Variants in ALG14 observed in about 807,000 individuals in gnomAD.
ALG14 encodes the protein ALG14 UDP-N-acetylglucosaminyltransferase subunit.
In ALG14, 17 loss-of-function variants were observed where a neutral mutation model predicts 22.8. The ratio of observed to expected loss-of-function variants is 0.75; its 90% CI spans 0.51 to 1.12. The LOEUF (loss-of-function observed/expected upper bound fraction) is 1.12. ALG14 is among the 50% of genes most tolerant of loss of function. ALG14 has a pLI of 0.00. For missense variants in ALG14, 288 were observed against 271.8 expected (o/e 1.06, Z -0.42); for synonymous variants, 89 against 103.7 (o/e 0.86, Z 0.86).
At chr1:95,001,319 CA>C (rs1673060436) in intron 3 of ALG14, among the ~76,000 whole-genome samples, 1 of 152,108 alleles carries the variant, frequency 6.6e-6, no homozygotes, top group Non-Finnish European at 1.5e-5. Context: ...CGGTTGTCAA[CA>C]TGTGACCATG....
chr1:94,976,538 CAA>C lies in ALG14; in HGVS notation c.*6536_*6537del, dbSNP rs1487644563. ...TGAAACCCCATCTCTGCTAAAAATA[CAA>C]AAGTTAGCCGGGCTGGTGGTGCACT... On this transcript the variant is annotated 3_prime_UTR_variant, in exon 4 of 4. Coordinates refer to ENST00000370205, the MANE Select transcript of ALG14 (RefSeq NM_144988.4). The C allele has an allele frequency of 6.6e-6, 1 of 151,862 alleles. No individual in the cohort carries two copies. Among genetic ancestry groups the C allele is most frequent in the East Asian group, 1.9e-4 (1 of 5,142 alleles). 9.4% of individuals were successfully genotyped at this position (151,862 alleles called of 1,614,324 possible). A position where few individuals can be genotyped will look rare whatever the true frequency, so the allele number is the denominator to read the frequency against.
At chr1:94,991,273 C>T (rs529595489) in intron 3 of ALG14, among the ~76,000 whole-genome samples, 1 of 152,284 alleles carries the variant, frequency 6.6e-6, no homozygotes, top group East Asian at 1.9e-4. Flanking sequence ...TGTTGCTTAA[C>T]AATGGGGATA....
At chr1:94,998,841 C>T (rs889197608) in intron 3 of ALG14, among the ~76,000 whole-genome samples, 3 of 152,130 alleles carry the variant, frequency 2.0e-5, no homozygotes, top group African/African-American at 2.4e-5. Flanking sequence ...TTTTACCTGG[C>T]AGTTGGGCTT....
Position 94,983,204 on chromosome 1 carries a change from T to G in ALG14, c.523A>C (p.Ile175Leu), listed in dbSNP as rs1672543323. ...KKVIIVYVESICRVETLSMSG... is the reference protein window; with the variant it reads ...KKVIIVYVESLCRVETLSMSG... ...ATGGATAACGTTTCTACACGGCAGA[T>G]GCTTTCAACGTAGACAATGATCACT... is the stretch of plus-strand genomic sequence containing the variant. The change falls in exon 4 of 4, where the codon ATC (isoleucine) becomes CTC (leucine). Residue 175 changes from isoleucine (I) to leucine (L), a missense_variant. Ile to Leu is a conservative substitution (Grantham distance 5). Coordinates refer to ENST00000370205, the MANE Select transcript of ALG14 (RefSeq NM_144988.4). 6.2e-7 allele frequency: 1 copy of G among 1,614,056 alleles called. No individual in the cohort carries two copies. Among genetic ancestry groups the G allele is most frequent in the Non-Finnish European group, 8.5e-7 (1 of 1,180,038 alleles).
chr1:95,053,704 G>A (rs997649874), intron 2 of ALG14, among the ~76,000 whole-genome samples: 3 of 152,102 alleles, frequency 2.0e-5, no homozygotes, highest in Admixed American at 6.6e-5. Context: ...AGGATTATAG[G>A]TATGAGCCAC....
Position 94,983,011 on chromosome 1 carries a change from T to C in ALG14, c.*65A>G, listed in dbSNP as rs1320134914. ...TTTACAAGAAACATGTAGGGTTTTT[T>C]TCCCCCCAATTTGAGTACATACTAC... On this transcript the variant is annotated 3_prime_UTR_variant, in exon 4 of 4. Transcript: ENST00000370205. 2.4e-5 allele frequency: 34 copies of C among 1,393,936 alleles called. No homozygotes were observed. The highest frequency in any genetic ancestry group is 3.0e-6 in the Non-Finnish European group (3 of 988,376). The allele number at this position is 1,393,936 out of a possible 1,614,324, so 86.3% of individuals were successfully genotyped here. A position where few individuals can be genotyped will look rare whatever the true frequency, so the allele number is the denominator to read the frequency against.
At chr1:94,995,992 T>C (rs925930223) in intron 3 of ALG14, among the ~76,000 whole-genome samples, 1 of 152,192 alleles carries the variant, frequency 6.6e-6, no homozygotes, top group Non-Finnish European at 1.5e-5. Context: ...TAAGACTGCT[T>C]GACTGCACTA....
At position 95,051,768 on chromosome 1, in the gene ALG14, A is replaced by G. The variant is rs143808636; in HGVS notation, c.288+13098T>C. Among the ~76,000 whole-genome samples, 570 of 152,258 alleles carry G rather than the reference A, an allele frequency of 3.7e-3. 7 individuals are homozygous for G. Among genetic ancestry groups the G allele is most frequent in the Non-Finnish European group, 5.7e-3 (389 of 68,010 alleles). ...TGCAGTTACTGCTTCCTCTCCCAGAATTCTCTTTCCCCAGATGGCTTAACA... is the reference window on the plus strand; with the variant it reads ...TGCAGTTACTGCTTCCTCTCCCAGAGTTCTCTTTCCCCAGATGGCTTAACA... On this transcript the variant is annotated intron_variant, in intron 2 of 3. Coordinates refer to ENST00000370205, the MANE Select transcript of ALG14 (RefSeq NM_144988.4).
intron 3 of ALG14, 36 bp downstream of exon 3, chr1:95,027,093 G>A (rs748224336): frequency 2.6e-5 from 42 of 1,610,524 alleles, no homozygotes; most frequent in Non-Finnish European, 3.3e-5. Flanking sequence ...TCTACAGGGA[G>A]TTACTTTCTC....
chr1:95,024,904 A>G (rs946135484), intron 3 of ALG14, among the ~76,000 whole-genome samples: 1 of 151,978 alleles, frequency 6.6e-6, no homozygotes, highest in East Asian at 1.9e-4. Context: ...ACTTCTCCCA[A>G]ACTCCTGTTT....
intron 2 of ALG14, among the ~76,000 whole-genome samples, chr1:95,040,144 C>T (rs536330188): frequency 6.6e-6 from 1 of 151,382 alleles, no homozygotes; most frequent in South Asian, 2.1e-4. Flanking sequence ...TGCACTCCAG[C>T]CTGGGTGACA....
rs1672404714 is a variant in ALG14 at position 94,976,778 on chromosome 1, A to T, written c.*6298T>A. On this transcript the variant is annotated 3_prime_UTR_variant, in exon 4 of 4. Coordinates refer to ENST00000370205, the MANE Select transcript of ALG14 (RefSeq NM_144988.4). ...TCTACTATCCGTTAGTATGGGTGGG[A>T]TCTGTGAATATCATGACATGTCATT... 1 of 152,106 alleles carries T rather than the reference A, an allele frequency of 6.6e-6. No individual in the cohort carries two copies. The highest frequency in any genetic ancestry group is 6.6e-5 in the Admixed American group (1 of 15,262). The allele number at this position is 152,106 out of a possible 1,614,324, so 9.4% of individuals were successfully genotyped here.
chr1:95,000,780 A>G (rs1284352075), intron 3 of ALG14, among the ~76,000 whole-genome samples: 1 of 124,722 alleles, frequency 8.0e-6, no homozygotes, highest in East Asian at 2.4e-4. Flanking sequence ...GCCACACTAA[A>G]AAAAAAAAAA....
At chr1:95,072,082 T>A (rs1172520665) in intron 1 of ALG14, among the ~76,000 whole-genome samples, 1 of 152,256 alleles carries the variant, frequency 6.6e-6, no homozygotes, top group Non-Finnish European at 1.5e-5. Flanking sequence ...TAATGCGTTA[T>A]ACTTGAACAT....
intron 2 of ALG14, among the ~76,000 whole-genome samples, chr1:95,049,733 T>G (rs1001556677): frequency 6.6e-6 from 1 of 151,618 alleles, no homozygotes; most frequent in African/African-American, 2.4e-5. Context: ...TAGCCCAGTG[T>G]GGTGGTGCAC....
At chr1:95,016,039 C>T (rs1673487355) in intron 3 of ALG14, among the ~76,000 whole-genome samples, 1 of 152,172 alleles carries the variant, frequency 6.6e-6, no homozygotes, top group African/African-American at 2.4e-5. Flanking sequence ...ATCATGGTCC[C>T]TGTTCTACAG....
Position 94,982,933 on chromosome 1 carries a change from T to C in ALG14, c.*143A>G, listed in dbSNP as rs557052288. On this transcript the variant is annotated 3_prime_UTR_variant, in exon 4 of 4. Transcript: ENST00000370205. ...AAGCCTCAGTTTCTTCACTGAGTCA[T>C]CTGTACATTTTTTATTCCTTACCAT... 24 of 664,326 alleles carry C rather than the reference T, an allele frequency of 3.6e-5. No individual in the cohort carries two copies. The South Asian group carries it at 4.7e-4, about 13-fold the overall frequency. 41.2% of individuals were successfully genotyped at this position (664,326 alleles called of 1,614,324 possible).
chr1:95,055,160 C>T (rs1226750947), intron 2 of ALG14, among the ~76,000 whole-genome samples: 1 of 152,150 alleles, frequency 6.6e-6, no homozygotes, highest in Non-Finnish European at 1.5e-5. Context: ...ATGTCCACTA[C>T]ATTATTCTCT....
intron 3 of ALG14, among the ~76,000 whole-genome samples, chr1:95,024,629 T>C (rs1250812255): frequency 2.0e-5 from 3 of 152,148 alleles, no homozygotes; most frequent in Non-Finnish European, 4.4e-5. Context: ...TTTTTCTGGG[T>C]CAAGTGAATA....
Sources: allele counts gnomAD v4.1 joint callset (sites outside exome capture counted in the v4.1 genomes callset), GRCh38; gene constraint gnomAD v4.1.1; transcripts MANE v1.5; gene names NCBI Gene and HGNC (gene_info 2026-07-23, HGNC 2026-07-21).